The following GATB variants were observed in gnomAD, a reference collection of about 807,000 sequenced individuals.
The protein encoded by GATB is glutamyl-tRNA(Gln) amidotransferase subunit B, mitochondrial.
Under a neutral mutation model 62.3 loss-of-function variants are expected in GATB, and 39 were observed. The ratio of observed to expected loss-of-function variants is 0.63; its 90% CI spans 0.48 to 0.82. GATB has a LOEUF of 0.82. GATB is among the 40% of genes least tolerant of loss of function. GATB has a pLI of 0.00. For synonymous variants in GATB, 276 were observed against 258.9 expected, an observed-to-expected ratio of 1.07 and a Z score of -0.63; for missense variants, 670 against 684.0, an observed-to-expected ratio of 0.98 and a Z score of 0.23.
At chr4:151,731,266 C>T (rs551537634) in intron 2 of GATB, among the ~76,000 whole-genome samples, 20 of 152,188 alleles carry the variant, frequency 1.3e-4, no homozygotes, top group African/African-American at 2.2e-4. Context: ...GGGCGCGCGC[C>T]GCCACGCCTG....
intron 1 of GATB, among the ~76,000 whole-genome samples, chr4:151,759,862 T>C (rs1739915334): frequency 6.6e-6 from 1 of 152,130 alleles, no homozygotes; most frequent in Non-Finnish European, 1.5e-5. Context: ...AAGTTCTATA[T>C]CTGAAGTACT....
intron 11 of GATB, chr4:151,674,727 C>T (rs532890952): frequency 6.6e-6 from 1 of 152,336 alleles, no homozygotes; most frequent in Admixed American, 6.5e-5. Context: ...TTTATCCCCT[C>T]CTCGTAGATA....
chr4:151,760,351 C>T (rs1341358084), intron 1 of GATB, among the ~76,000 whole-genome samples: 1 of 152,158 alleles, frequency 6.6e-6, no homozygotes, highest in African/African-American at 2.4e-5. Context: ...GCACAGATAG[C>T]TAGTGTTTTC....
At chr4:151,688,963 C>T (rs1425955323) in intron 9 of GATB, among the ~76,000 whole-genome samples, 200 bp from the exon 10 acceptor site, 2 of 152,126 alleles carry the variant, frequency 1.3e-5, no homozygotes, top group African/African-American at 4.8e-5. Context: ...TGTGCATTTA[C>T]ATAGCATTTT....
intron 2 of GATB, among the ~76,000 whole-genome samples, chr4:151,734,573 G>A (rs753228291): frequency 1.9e-4 from 29 of 151,844 alleles, no homozygotes; most frequent in Admixed American, 5.2e-4. Flanking sequence ...ACCATCATTC[G>A]TCACAGAGTT....
chr4:151,735,734 G>GTATATATATATA lies in GATB; in HGVS notation c.328-16197_328-16196insTATATATATATA, dbSNP rs1491213513. Among the ~76,000 whole-genome samples, 142 of 93,600 alleles carry GTATATATATATA rather than the reference G, an allele frequency of 1.5e-3. 30 individuals carry two copies. The highest frequency in any genetic ancestry group is 4.7e-3 in the African/African-American group (85 of 17,914). 61.4% of individuals were successfully genotyped at this position (93,600 alleles called of 152,430 possible). On this transcript the variant is annotated intron_variant, in intron 2 of 12. Transcript: ENST00000263985. ...TCAACAAGTGGATAAATAAACTGTG[G>GTATATATATATA]TGTATATATATATATATATATATGA...
rs142381947 is a variant in GATB at position 151,727,098 on chromosome 4, T to C, written c.328-7560A>G. 2.0e-5 allele frequency among the ~76,000 whole-genome samples: 3 copies of C among 152,300 alleles called. No homozygotes were observed. The East Asian group carries it at 5.8e-4, about 29-fold the overall frequency. On this transcript the variant is annotated intron_variant, in intron 2 of 12. Coordinates refer to ENST00000263985, the MANE Select transcript of GATB (RefSeq NM_004564.3). Reference sequence around the variant, plus strand: ...TGCCTGGTTAATTTTTTAATTTATATTTTGAAGAGACGAGGTCTTGCTATG... The same window carrying C: ...TGCCTGGTTAATTTTTTAATTTATACTTTGAAGAGACGAGGTCTTGCTATG...
At chr4:151,726,748 C>G (rs1179246143) in intron 2 of GATB, among the ~76,000 whole-genome samples, 2 of 152,170 alleles carry the variant, frequency 1.3e-5, no homozygotes, top group Non-Finnish European at 2.9e-5. Context: ...CAGGGGTGGT[C>G]AGGAGCAAGG....
intron 2 of GATB, chr4:151,720,422 T>C (rs879797933): frequency 1.3e-5 from 2 of 152,148 alleles, no homozygotes; most frequent in Non-Finnish European, 2.9e-5. Flanking sequence ...ACAGATAAAG[T>C]GATAGCTGGA....
intron 2 of GATB, among the ~76,000 whole-genome samples, chr4:151,750,393 T>A (rs1365499470): frequency 1.3e-5 from 2 of 152,150 alleles, no homozygotes; most frequent in Non-Finnish European, 2.9e-5. Context: ...ATCCATCACC[T>A]GTTGGCCAAG....
intron 2 of GATB, among the ~76,000 whole-genome samples, chr4:151,731,832 T>TGCCCCGTCTGAGAAGTGAGGAGCCCCTCC (rs1739261062): frequency 6.7e-6 from 1 of 149,068 alleles, no homozygotes; most frequent in African/African-American, 2.5e-5. Context: ...GGAGCCCCTC[T>TGCCCCGTCTGAGAAGTGAGGAGCCCCTCC]GCCCGGCAGC....
At position 151,717,012 on chromosome 4, in the gene GATB, G is replaced by C. The variant is rs779046590; in HGVS notation, c.504C>G (p.Gly168=). ...PIAVNGSLIY[G]VCAGKKQSQV... ...GACTCTGCTTCTTCCCTGCACAGAC[G>C]CCATATATCAAGCTCCCATTCACAG... The change falls in exon 4 of 13, where the codon GGC becomes GGG. Residue 168 remains glycine, a synonymous_variant. Coordinates refer to ENST00000263985, the MANE Select transcript of GATB (RefSeq NM_004564.3). 17 of 1,614,072 alleles carry C rather than the reference G, an allele frequency of 1.1e-5. No individual in the cohort carries two copies. The highest frequency in any genetic ancestry group is 1.4e-5 in the Non-Finnish European group (17 of 1,180,020).
At chr4:151,690,396 A>T (rs886377366) in intron 9 of GATB, among the ~76,000 whole-genome samples, 1 of 152,282 alleles carries the variant, frequency 6.6e-6, no homozygotes, top group Non-Finnish European at 1.5e-5. Flanking sequence ...GCTTGACTAC[A>T]GATAAAGGCA....
chr4:151,716,380 T>C, intron 4 of GATB: 1 of 432,180 alleles, frequency 2.3e-6, no homozygotes, highest in Non-Finnish European at 4.1e-6. Flanking sequence ...ACTTTTGAGC[T>C]CAAGTGATCC....
intron 5 of GATB, among the ~76,000 whole-genome samples, chr4:151,713,849 A>G (rs1174052034): frequency 2.6e-5 from 4 of 152,218 alleles, no homozygotes; most frequent in African/African-American, 9.6e-5. Flanking sequence ...CTCAAGTCCC[A>G]GCTCTGTCAC....
At chr4:151,737,324 C>T (rs189853470) in intron 2 of GATB, among the ~76,000 whole-genome samples, 6 of 152,266 alleles carry the variant, frequency 3.9e-5, no homozygotes, top group Non-Finnish European at 2.9e-5. Context: ...GCACTTTGCC[C>T]CTGCCCTGGA....
intron 11 of GATB, chr4:151,676,194 A>C (rs556840098): frequency 6.6e-6 from 1 of 152,368 alleles, no homozygotes; most frequent in Admixed American, 6.5e-5. Context: ...CACTAAAGAG[A>C]GAAAAAGACA....
intron 4 of GATB, 114 bp from the exon 5 acceptor site, chr4:151,716,245 C>A: frequency 9.5e-5 from 82 of 863,342 alleles, no homozygotes; most frequent in Non-Finnish European, 1.2e-4. Context: ...CAGAGTGGTT[C>A]TAGCCTCTCA....
chr4:151,745,031 T>C (rs968547722), intron 2 of GATB, among the ~76,000 whole-genome samples: 2 of 152,184 alleles, frequency 1.3e-5, no homozygotes, highest in African/African-American at 2.4e-5. Context: ...AGGATAACTA[T>C]AGAAGTGATT....
Sources: gnomAD v4.1 joint callset for allele counts (sites outside exome capture counted in the v4.1 genomes callset) on GRCh38, gnomAD v4.1.1 for gene constraint, MANE v1.5 for transcripts, NCBI Gene and HGNC (gene_info 2026-07-23, HGNC 2026-07-21) for gene names.